Variants in STPG2 observed in about 807,000 individuals in gnomAD.
STPG2 encodes sperm tail PG-rich repeat containing 2.
STPG2 carries 56 observed loss-of-function variants against 54.2 expected under a neutral mutation model. That is an observed-to-expected ratio of 1.03 (90% CI 0.83 to 1.29). The LOEUF is 1.29. Ranked by LOEUF, STPG2 falls within the 50% of genes most tolerant of loss-of-function variation. The pLI is 0.00. For missense variants in STPG2, 596 were observed against 544.9 expected, an observed-to-expected ratio of 1.09 and a Z score of -0.93; for synonymous variants, 200 against 181.8, an observed-to-expected ratio of 1.10 and a Z score of -0.81.
chr4:97,872,075 A>G (rs1284497756), intron 8 of STPG2, among the ~76,000 whole-genome samples: 1 of 151,152 alleles, frequency 6.6e-6, no homozygotes, highest in African/African-American at 2.4e-5. Flanking sequence ...AAGACCTTTA[A>G]CAAAGGTTAA....
chr4:98,002,051 T>G (rs1735429320), intron 5 of STPG2, among the ~76,000 whole-genome samples: 1 of 152,032 alleles, frequency 6.6e-6, no homozygotes, highest in Non-Finnish European at 1.5e-5. Context: ...GAAATCAAAG[T>G]CTAAAAGAGG....
At chr4:97,785,997 C>A (rs931192065) in intron 9 of STPG2, among the ~76,000 whole-genome samples, 3 of 152,022 alleles carry the variant, frequency 2.0e-5, no homozygotes, top group Non-Finnish European at 4.4e-5. Context: ...TTTAAGAACA[C>A]AGGTGTCTAA....
chr4:97,459,600 C>T (rs775344722), intron 4 of STPG2, among the ~76,000 whole-genome samples: 45 of 151,872 alleles, frequency 3.0e-4, no homozygotes, highest in Non-Finnish European at 7.4e-5. Flanking sequence ...CCACCATGGC[C>T]GGCTAATTTT....
At chr4:97,711,037 A>C (rs2149006389) in intron 10 of STPG2, among the ~76,000 whole-genome samples, 1 of 151,836 alleles carries the variant, frequency 6.6e-6, no homozygotes, top group Admixed American at 6.6e-5. Flanking sequence ...TAAATTTATA[A>C]AATCTTAAGA....
chr4:98,130,912 A>C, intron 2 of STPG2, among the ~76,000 whole-genome samples: 1 of 113,332 alleles, frequency 8.8e-6, no homozygotes, highest in East Asian at 2.6e-4. Flanking sequence ...ACAGAGCGAG[A>C]CTCCGTCTCA....
chr4:97,964,765 T>C (rs748921345), intron 7 of STPG2, among the ~76,000 whole-genome samples: 3 of 152,226 alleles, frequency 2.0e-5, no homozygotes, highest in Non-Finnish European at 4.4e-5. Flanking sequence ...ACTATACATC[T>C]TAAAACTGTA....
At chr4:97,488,061 T>C (rs1730412230) in intron 4 of STPG2, among the ~76,000 whole-genome samples, 1 of 151,600 alleles carries the variant, frequency 6.6e-6, no homozygotes, top group Non-Finnish European at 1.5e-5. Flanking sequence ...CAGAAATAAC[T>C]ACAATTCTGA....
At chr4:98,096,380 G>A (rs553399870) in intron 5 of STPG2, among the ~76,000 whole-genome samples, 118 of 145,774 alleles carry the variant, frequency 8.1e-4, no homozygotes, top group African/African-American at 2.8e-3. Context: ...CTGGGTAACA[G>A]GAGTGAAACC....
chr4:98,080,534 C>T (rs1352918893), intron 5 of STPG2, among the ~76,000 whole-genome samples: 1 of 152,188 alleles, frequency 6.6e-6, no homozygotes, highest in Admixed American at 6.5e-5. Context: ...TTAACAGTCA[C>T]AATTCATGTG....
intron 3 of STPG2, among the ~76,000 whole-genome samples, chr4:98,109,701 A>T (rs1739291123): frequency 1.3e-5 from 2 of 152,182 alleles, no homozygotes; most frequent in Admixed American, 6.6e-5. Context: ...AACTAAACAG[A>T]TTGAAAAAAT....
At position 97,896,431 on chromosome 4, in the gene STPG2, A is replaced by G. The variant is rs370101244; in HGVS notation, c.1044+47466T>C. On this transcript the variant is annotated intron_variant, in intron 8 of 10. Transcript: ENST00000295268. ...GAAAAACCCCAAGTAAACAGTGTCAAAAGTAAACAAGTGCAGTTGCTGCAG... is the reference window on the plus strand; with the variant it reads ...GAAAAACCCCAAGTAAACAGTGTCAGAAGTAAACAAGTGCAGTTGCTGCAG... 1.5e-4 allele frequency among the ~76,000 whole-genome samples: 23 copies of G among 151,942 alleles called. 1 individual carries two copies. The South Asian group carries it at 3.3e-3, about 22-fold the overall frequency.
chr4:98,023,699 G>A (rs1736312691), intron 5 of STPG2, among the ~76,000 whole-genome samples: 1 of 152,122 alleles, frequency 6.6e-6, no homozygotes, highest in African/African-American at 2.4e-5. Context: ...GAGCTTTCTG[G>A]CTGCTTTGTT....
At chr4:97,563,626 C>T (rs567094359) in intron 10 of STPG2, among the ~76,000 whole-genome samples, 1 of 152,250 alleles carries the variant, frequency 6.6e-6, no homozygotes, top group East Asian at 1.9e-4. Flanking sequence ...CCCAGAGATT[C>T]TTGTATGTTG....
intron 4 of STPG2, among the ~76,000 whole-genome samples, chr4:97,487,258 C>A (rs1214840734): frequency 4.0e-5 from 6 of 150,276 alleles, no homozygotes; most frequent in Non-Finnish European, 8.9e-5. Context: ...AAATGAACTT[C>A]TAGAAAAGGA....
At chr4:97,547,488 G>C (rs1731859496) in intron 4 of STPG2, among the ~76,000 whole-genome samples, 1 of 152,288 alleles carries the variant, frequency 6.6e-6, no homozygotes, top group Non-Finnish European at 1.5e-5. Context: ...GGGATTACAG[G>C]CGTGAGCCAC....
chr4:98,139,030 ATTTAC>A (rs375030395), intron 1 of STPG2, among the ~76,000 whole-genome samples: 38 of 152,258 alleles, frequency 2.5e-4, no homozygotes, highest in African/African-American at 8.7e-4. Flanking sequence ...TCTGGGGAAT[ATTTAC>A]TTTAATAAGA....
intron 5 of STPG2, among the ~76,000 whole-genome samples, chr4:98,003,726 T>A (rs1397575842): frequency 6.6e-6 from 1 of 152,158 alleles, no homozygotes; most frequent in African/African-American, 2.4e-5. Flanking sequence ...ATTCATTTAT[T>A]CATTATCCAT....
At chr4:97,912,807 G>T (rs1731730526) in intron 8 of STPG2, among the ~76,000 whole-genome samples, 1 of 152,190 alleles carries the variant, frequency 6.6e-6, no homozygotes, top group Non-Finnish European at 1.5e-5. Flanking sequence ...TTGGCATTTT[G>T]TAAAGTTCTC....
At chr4:97,828,295 T>A (rs1728328783) in intron 9 of STPG2, among the ~76,000 whole-genome samples, 1 of 152,042 alleles carries the variant, frequency 6.6e-6, no homozygotes, top group Non-Finnish European at 1.5e-5. Context: ...GTTGAGGAAT[T>A]CTCTCCTGAA....
Sources: allele counts gnomAD v4.1 joint callset (sites outside exome capture counted in the v4.1 genomes callset), GRCh38; gene constraint gnomAD v4.1.1; transcripts MANE v1.5; gene names NCBI Gene and HGNC (gene_info 2026-07-23, HGNC 2026-07-21).